Variants in SVOPL observed in about 807,000 individuals in gnomAD.
SVOPL encodes putative transporter SVOPL.
SVOPL carries 60 observed loss-of-function variants against 61.0 expected under a neutral mutation model. The observed-to-expected ratio is 0.98, with a 90% CI of 0.80 to 1.22. SVOPL has a LOEUF of 1.22. Among genes scored for constraint, SVOPL ranks in the 50% most tolerant of loss-of-function variants. SVOPL has a pLI of 0.00. For synonymous variants in SVOPL, 279 were observed against 250.0 expected (o/e 1.12, Z -1.09); for missense variants, 662 against 643.9 (o/e 1.03, Z -0.30).
In SVOPL at chr7:138,637,125, A is replaced by T. The variant is rs185670478; in HGVS notation, c.790-7003T>A. Among the ~76,000 whole-genome samples the T allele has an allele frequency of 2.9e-3, 437 of 152,252 alleles. 3 individuals carry two copies. Among genetic ancestry groups the T allele is most frequent in the African/African-American group, 1.0e-2 (415 of 41,532 alleles). On this transcript the variant is annotated intron_variant, in intron 9 of 15. Transcript: ENST00000674285. ...ATAGATTCAAATATATAATGAATGGATTATTCAAAATATATACATCATGGG... is the reference window on the plus strand; with the variant it reads ...ATAGATTCAAATATATAATGAATGGTTTATTCAAAATATATACATCATGGG...
chr7:138,635,513 C>T (rs1008530686), intron 9 of SVOPL, among the ~76,000 whole-genome samples: 2 of 151,688 alleles, frequency 1.3e-5, no homozygotes, highest in East Asian at 1.9e-4. Context: ...AATGGGATTA[C>T]AGGTGCGAAC....
At chr7:138,604,276 T>C (rs1306324516) in intron 14 of SVOPL, among the ~76,000 whole-genome samples, 1 of 152,150 alleles carries the variant, frequency 6.6e-6, no homozygotes, top group African/African-American at 2.4e-5. Flanking sequence ...CAGCCTTAAT[T>C]TTGATGATAT....
intron 7 of SVOPL, 86 bp from the exon 8 acceptor site, chr7:138,649,223 G>A (rs993705823): frequency 9.6e-6 from 14 of 1,458,198 alleles, no homozygotes; most frequent in African/African-American, 8.7e-5. Flanking sequence ...TTTTTAGAAA[G>A]ATTAAAATTC....
intron 5 of SVOPL, chr7:138,661,731 T>C: frequency 1.2e-6 from 1 of 857,376 alleles, no homozygotes; most frequent in Non-Finnish European, 1.4e-6. Context: ...GCCCCCAAAT[T>C]CTTTTCTCTC....
In SVOPL at chr7:138,597,308, T is replaced by C. The variant is rs908795232; in HGVS notation, c.1354-778A>G. 8 of 1,109,540 alleles carry C rather than the reference T, an allele frequency of 7.2e-6. No homozygotes were observed. In the Admixed American group the frequency reaches 1.5e-4, roughly 21 times the overall value. The allele number at this position is 1,109,540 out of a possible 1,614,324, so 68.7% of individuals were successfully genotyped here. The stretch of plus-strand genomic sequence containing the variant: ...AAGACCTAGAAACTATCTGGCTGAA[T>C]ACAATTTCTTCCCTTTACAGATGAG... On this transcript the variant is annotated intron_variant, in intron 14 of 15. Coordinates refer to ENST00000674285, the MANE Select transcript of SVOPL (RefSeq NM_001139456.2).
chr7:138,622,144 A>ATCTG lies in SVOPL; in HGVS notation c.1264-1010_1264-1009insCAGA, dbSNP rs1563096374. Among the ~76,000 whole-genome samples the ATCTG allele has an allele frequency of 3.0e-5, 4 of 131,618 alleles. 1 individual carries two copies. Among genetic ancestry groups the ATCTG allele is most frequent in the African/African-American group, 5.2e-5 (2 of 38,142 alleles). The allele number at this position is 131,618 out of a possible 152,430, so 86.3% of individuals were successfully genotyped here. ...TATGTATCTATCTATCTATGTATCT[A>ATCTG]TCTATGTATCTATCTGTCTATGTAT... On this transcript the variant is annotated intron_variant, in intron 13 of 15. Transcript: ENST00000674285.
chr7:138,670,433 T>C (rs1460671137), intron 4 of SVOPL, among the ~76,000 whole-genome samples: 1 of 152,166 alleles, frequency 6.6e-6, no homozygotes, highest in Non-Finnish European at 1.5e-5. Context: ...ATTGGCTTTT[T>C]GAGAAGTCTT....
chr7:138,690,258 T>C (rs1346817111), intron 1 of SVOPL, among the ~76,000 whole-genome samples: 2 of 152,192 alleles, frequency 1.3e-5, no homozygotes, highest in African/African-American at 2.4e-5. Flanking sequence ...ACATGAATGG[T>C]CAGAGAAGCA....
intron 1 of SVOPL, among the ~76,000 whole-genome samples, chr7:138,686,942 T>C (rs1280141472): frequency 1.3e-5 from 2 of 152,216 alleles, no homozygotes; most frequent in African/African-American, 4.8e-5. Context: ...CTTTGTTTTC[T>C]TAAACACTGT....
intron 3 of SVOPL, among the ~76,000 whole-genome samples, chr7:138,678,128 A>G (rs2117120972): frequency 6.6e-6 from 1 of 152,262 alleles, no homozygotes; most frequent in South Asian, 2.1e-4. Flanking sequence ...AGACAAACTC[A>G]ACCAATTGTC....
At chr7:138,685,208 AGGT>A (rs898957522) in intron 1 of SVOPL, among the ~76,000 whole-genome samples, 19 of 152,170 alleles carry the variant, frequency 1.2e-4, no homozygotes, top group Non-Finnish European at 1.6e-4. Flanking sequence ...CTGGGATTAC[AGGT>A]GTGAGTCACT....
At chr7:138,630,014 A>G in intron 10 of SVOPL, 35 bp downstream of exon 10, 1 of 1,580,084 alleles carries the variant, frequency 6.3e-7, no homozygotes, top group Admixed American at 1.7e-5. Flanking sequence ...CAATGCCTCT[A>G]TTTAAAACTA....
intron 4 of SVOPL, among the ~76,000 whole-genome samples, chr7:138,667,068 C>A (rs1299659829): frequency 2.6e-5 from 4 of 152,028 alleles, no homozygotes; most frequent in Admixed American, 2.6e-4. Context: ...AAAAAAGGAA[C>A]CAGGGCTCCA....
chr7:138,681,112 G>A (rs1437431336), intron 1 of SVOPL, among the ~76,000 whole-genome samples: 1 of 149,476 alleles, frequency 6.7e-6, no homozygotes, highest in African/African-American at 2.5e-5. Context: ...ATTTAGCTAC[G>A]TAAAAAATTT....
At position 138,631,960 on chromosome 7, in the gene SVOPL, T is replaced by TCTCACACACACACACACACACACACA. The variant is rs935815206; in HGVS notation, c.790-1839_790-1838insTGTGTGTGTGTGTGTGTGTGTGTGAG. Among the ~76,000 whole-genome samples, 637 of 147,040 alleles carry TCTCACACACACACACACACACACACA rather than the reference T, an allele frequency of 4.3e-3. 3 individuals carry two copies. Among genetic ancestry groups the TCTCACACACACACACACACACACACA allele is most frequent in the African/African-American group, 0.015 (603 of 39,406 alleles). ...TGGCTCAGTCCCTTCTGCTCTGATA[T>TCTCACACACACACACACACACACACA]CACACACACACACACACACACACAT... On this transcript the variant is annotated intron_variant, in intron 9 of 15. Transcript: ENST00000674285.
chr7:138,622,143 T>A (rs1265935826), intron 13 of SVOPL, among the ~76,000 whole-genome samples: 1 of 129,804 alleles, frequency 7.7e-6, no homozygotes. Flanking sequence ...TCTATGTATC[T>A]ATCTATGTAT....
chr7:138,685,946 T>C (rs1802800782), intron 1 of SVOPL, among the ~76,000 whole-genome samples: 1 of 152,064 alleles, frequency 6.6e-6, no homozygotes, highest in South Asian at 2.1e-4. Context: ...ATGGCATAGA[T>C]GGTGGTGATG....
intron 1 of SVOPL, among the ~76,000 whole-genome samples, chr7:138,695,992 G>A (rs947258806): frequency 6.6e-6 from 1 of 152,092 alleles, no homozygotes; most frequent in Non-Finnish European, 1.5e-5. Flanking sequence ...ATGTTGGCTA[G>A]GCTTGTCTTG....
At chr7:138,680,621 C>T (rs1802680055) in intron 1 of SVOPL, among the ~76,000 whole-genome samples, 1 of 152,002 alleles carries the variant, frequency 6.6e-6, no homozygotes. Flanking sequence ...CTCTGTCGCC[C>T]AGGCTGGAGT....
Sources: gnomAD v4.1 joint callset for allele counts (sites outside exome capture counted in the v4.1 genomes callset) on GRCh38, gnomAD v4.1.1 for gene constraint, MANE v1.5 for transcripts, NCBI Gene and HGNC (gene_info 2026-07-23, HGNC 2026-07-21) for gene names.